TMEM164: variants seen among roughly 807,000 people sequenced by gnomAD.
TMEM164 encodes the protein RP13-360B22.2.
In TMEM164, 4 loss-of-function variants were observed where a neutral mutation model predicts 18.8. That is an observed-to-expected ratio of 0.21 (90% confidence interval 0.10 to 0.49). The LOEUF is 0.49. TMEM164 is among the 20% of genes least tolerant of loss of function. The pLI is 0.98. For missense variants in TMEM164, 108 were observed against 239.9 expected, an observed-to-expected ratio of 0.45 and a Z score of 3.63; for synonymous variants, 86 against 101.7, an observed-to-expected ratio of 0.85 and a Z score of 0.93.
intron 3 of TMEM164, among the ~76,000 whole-genome samples, chrX:110,096,197 A>T (rs2147937098): frequency 8.9e-6 from 1 of 112,365 alleles, no homozygotes; most frequent in East Asian, 2.8e-4. Context: ...TGGGAGAACC[A>T]CTACTCTCTT....
chrX:110,162,459 G>A, intron 5 of TMEM164, among the ~76,000 whole-genome samples: 1 of 112,214 alleles, frequency 8.9e-6, no homozygotes, highest in Middle Eastern at 4.6e-3. Context: ...CATGGCCTGG[G>A]TAGACTCTCC....
intron 2 of TMEM164, among the ~76,000 whole-genome samples, chrX:110,021,095 G>C (rs1234535010): frequency 1.8e-5 from 2 of 110,539 alleles, no homozygotes; most frequent in Non-Finnish European, 3.8e-5. Context: ...ATTAGGGAAA[G>C]AGGGGAATTC....
chrX:110,070,190 C>A (rs762737071), intron 3 of TMEM164, among the ~76,000 whole-genome samples: 139 of 111,038 alleles, frequency 1.3e-3, no homozygotes, highest in African/African-American at 4.3e-3. Flanking sequence ...GTGGCACATG[C>A]CTGTAATCCC....
intron 3 of TMEM164, among the ~76,000 whole-genome samples, chrX:110,068,539 C>T (rs1054448578): frequency 8.9e-6 from 1 of 112,072 alleles, no homozygotes. Context: ...ATCATCCATC[C>T]CAAATCCAAG....
chrX:110,126,067 A>G (rs2066524100), intron 4 of TMEM164, among the ~76,000 whole-genome samples: 1 of 112,162 alleles, frequency 8.9e-6, no homozygotes. Flanking sequence ...GCTCATCTAG[A>G]CCAGGAGTGT....
chrX:110,011,120 G>A (rs1368190244), intron 2 of TMEM164, among the ~76,000 whole-genome samples: 1 of 111,383 alleles, frequency 9.0e-6, no homozygotes, highest in African/African-American at 3.3e-5. Context: ...ATTGGTGCCA[G>A]GTATTGGAGA....
Position 110,175,499 on chromosome X carries a change from T to G in TMEM164, c.*2048T>G, listed in dbSNP as rs1271642227. The G allele has an allele frequency of 8.6e-6, 1 of 116,013 alleles. No individual in the cohort carries two copies. 9.6% of individuals were successfully genotyped at this position (116,013 alleles called of 1,213,427 possible). A position where few individuals can be genotyped will look rare whatever the true frequency, so the allele number is the denominator to read the frequency against. ...TGTGGCATGGCACAGGTTGCCTGGT[T>G]GCTCGAGCCTTCCCCATGTTGACAT... On this transcript the variant is annotated 3_prime_UTR_variant, in exon 7 of 7. Coordinates refer to ENST00000372068, the MANE Select transcript of TMEM164 (RefSeq NM_032227.4).
chrX:110,010,938 C>G (rs1247967557), intron 2 of TMEM164, among the ~76,000 whole-genome samples: 1 of 111,789 alleles, frequency 8.9e-6, no homozygotes, highest in Non-Finnish European at 1.9e-5. Context: ...CTATATCCCC[C>G]CGCTTTCCAG....
chrX:110,180,271 C>T (rs926502773), downstream of TMEM164, among the ~76,000 whole-genome samples: 4 of 112,607 alleles, frequency 3.6e-5, no homozygotes, highest in Non-Finnish European at 5.6e-5. Context: ...TCATCCACCC[C>T]GCTGAGGGGT....
chrX:110,043,921 A>G (rs1195202580), intron 2 of TMEM164, among the ~76,000 whole-genome samples: 1 of 111,995 alleles, frequency 8.9e-6, no homozygotes, highest in Admixed American at 9.5e-5. Context: ...GCTCTACTTT[A>G]TTCATTTTAA....
chrX:110,147,175 G>A lies in TMEM164; in HGVS notation c.586+2299G>A, dbSNP rs1448338986. On this transcript the variant is annotated intron_variant, in intron 5 of 6. Coordinates refer to ENST00000372068, the MANE Select transcript of TMEM164 (RefSeq NM_032227.4). ...ACATGGGACCTCTCTCATCCACACTGCTCTTTTCTTCCTCTGGCCTGTCCC... is the reference window on the plus strand; with the variant it reads ...ACATGGGACCTCTCTCATCCACACTACTCTTTTCTTCCTCTGGCCTGTCCC... 2.7e-5 allele frequency among the ~76,000 whole-genome samples: 3 copies of A among 111,912 alleles called. No homozygotes were observed. The East Asian group carries it at 8.5e-4, about 32-fold the overall frequency.
At position 110,003,553 on chromosome X, in the gene TMEM164, G is replaced by T; in HGVS notation, c.-222G>T. 2 of 356,401 alleles carry T rather than the reference G, an allele frequency of 5.6e-6. No individual in the cohort carries two copies. Among genetic ancestry groups the T allele is most frequent in the Non-Finnish European group, 9.5e-6 (2 of 210,832 alleles). 29.4% of individuals were successfully genotyped at this position (356,401 alleles called of 1,213,427 possible). ...CCTCGTTGGTGGCCACTGGAGAAGC[G>T]CGGGGGGCTCCCCCAGACAGCCGTG... is the stretch of plus-strand genomic sequence containing the variant. On this transcript the variant is annotated 5_prime_UTR_variant, in exon 2 of 7. Transcript: ENST00000372068.
At position 110,053,504 on chromosome X, in the gene TMEM164, TAA is replaced by T. The variant is rs1216617724; in HGVS notation, c.391-13838_391-13837del. ...GAGAAAACTGAGGCTTAAGGAGGTG[TAA>T]AAAATACTTTCTTTTAAAAAAAATA... On this transcript the variant is annotated intron_variant, in intron 2 of 6. Coordinates refer to ENST00000372068, the MANE Select transcript of TMEM164 (RefSeq NM_032227.4). 4.5e-5 allele frequency among the ~76,000 whole-genome samples: 5 copies of T among 111,767 alleles called. No individual in the cohort carries two copies. The East Asian group carries it at 1.4e-3, about 31-fold the overall frequency.
At chrX:110,086,810 A>G (rs1013238958) in intron 3 of TMEM164, among the ~76,000 whole-genome samples, 4 of 110,331 alleles carry the variant, frequency 3.6e-5, no homozygotes, top group Non-Finnish European at 7.6e-5. Context: ...TTACATATGT[A>G]CAGTAGGACA....
At chrX:110,135,895 C>T (rs1465134793) in intron 4 of TMEM164, among the ~76,000 whole-genome samples, 2 of 111,815 alleles carry the variant, frequency 1.8e-5, no homozygotes, top group African/African-American at 6.5e-5. Flanking sequence ...AGGACATTCT[C>T]TCGTATAACT....
chrX:110,126,216 CCTA>C (rs1276489744), intron 4 of TMEM164, among the ~76,000 whole-genome samples: 1 of 111,771 alleles, frequency 8.9e-6, no homozygotes, highest in African/African-American at 3.3e-5. Flanking sequence ...TGGGAGTCAT[CCTA>C]TAGCTGCCCT....
At chrX:110,107,100 G>C (rs760981845) in intron 3 of TMEM164, among the ~76,000 whole-genome samples, 1 of 112,580 alleles carries the variant, frequency 8.9e-6, no homozygotes, top group South Asian at 3.6e-4. Flanking sequence ...AGGGAAGGAA[G>C]AAGGAGGCAG....
chrX:110,096,485 G>A (rs1417747004), intron 3 of TMEM164, among the ~76,000 whole-genome samples: 1 of 112,948 alleles, frequency 8.9e-6, no homozygotes, highest in African/African-American at 3.2e-5. Flanking sequence ...ACCCTCCGAG[G>A]CCAGGTGCGA....
intron 2 of TMEM164, among the ~76,000 whole-genome samples, chrX:110,048,233 T>C (rs187761281): frequency 5.4e-5 from 6 of 111,945 alleles, no homozygotes; most frequent in Admixed American, 4.7e-4. Context: ...AGCCTTTAGC[T>C]ATGCTCTTCC....
Sources: allele counts gnomAD v4.1 joint callset (sites outside exome capture counted in the v4.1 genomes callset), GRCh38; gene constraint gnomAD v4.1.1; transcripts MANE v1.5; gene names NCBI Gene and HGNC (gene_info 2026-07-23, HGNC 2026-07-21).